FNIP2: variants seen among roughly 807,000 people sequenced by gnomAD.
FNIP2 encodes the protein folliculin-interacting protein 2.
FNIP2 carries 32 observed loss-of-function variants against 108.7 expected under a neutral mutation model. The observed-to-expected ratio is 0.29, with a 90% CI of 0.22 to 0.40. The LOEUF is 0.40. Ranked by LOEUF, FNIP2 falls within the 10% of genes least tolerant of loss-of-function variation. FNIP2 has a pLI of 1.00. For synonymous variants in FNIP2, 480 were observed against 496.7 expected, an observed-to-expected ratio of 0.97 and a Z score of 0.45; for missense variants, 1,202 against 1,381.6, an observed-to-expected ratio of 0.87 and a Z score of 2.06.
intron 1 of FNIP2, among the ~76,000 whole-genome samples, chr4:158,791,467 G>T (rs931681274): frequency 1.3e-5 from 2 of 151,688 alleles, no homozygotes; most frequent in African/African-American, 4.8e-5. Context: ...TGTATTTTTA[G>T]TAGGGGGTTT....
chr4:158,872,335 T>C (rs1780999007), intron 14 of FNIP2: 1 of 985,356 alleles, frequency 1.0e-6, no homozygotes, highest in Admixed American at 6.1e-5. Context: ...ATGGTGACCC[T>C]CTGGCTCTAT....
chr4:158,886,307 C>T (rs1318831243), intron 14 of FNIP2, among the ~76,000 whole-genome samples: 2 of 152,238 alleles, frequency 1.3e-5, no homozygotes, highest in Non-Finnish European at 2.9e-5. Flanking sequence ...CCTCTACCTC[C>T]TTTCTTTCTG....
chr4:158,872,733 T>C (rs1186656074), intron 14 of FNIP2: 1 of 979,094 alleles, frequency 1.0e-6, no homozygotes, highest in Admixed American at 6.2e-5. Flanking sequence ...TCTATGGTAG[T>C]GTTTTTTTTT....
chr4:158,802,558 C>G (rs936780451), intron 1 of FNIP2, among the ~76,000 whole-genome samples: 15 of 152,174 alleles, frequency 9.9e-5, no homozygotes, highest in African/African-American at 3.4e-4. Flanking sequence ...CATTACATAT[C>G]ATGATCATTG....
chr4:158,805,149 A>C (rs886589795), intron 1 of FNIP2, among the ~76,000 whole-genome samples: 1 of 152,216 alleles, frequency 6.6e-6, no homozygotes, highest in Non-Finnish European at 1.5e-5. Flanking sequence ...CCTAGTACAA[A>C]GGTGCATTTA....
Position 158,821,556 on chromosome 4 carries a change from A to G in FNIP2, c.108-4360A>G, listed in dbSNP as rs371402118. Among the ~76,000 whole-genome samples, 21 of 152,360 alleles carry G rather than the reference A, an allele frequency of 1.4e-4. No individual in the cohort carries two copies. The East Asian group carries it at 3.7e-3, about 27-fold the overall frequency. The stretch of plus-strand genomic sequence containing the variant: ...AAGAGAATATGTGTGCCATGGAGCT[A>G]CCAATAGCTCAAGTCCTGTGTATAA... On this transcript the variant is annotated intron_variant, in intron 1 of 16. Coordinates refer to ENST00000264433, the MANE Select transcript of FNIP2 (RefSeq NM_020840.3).
intron 1 of FNIP2, among the ~76,000 whole-genome samples, chr4:158,820,676 C>T (rs1288868964): frequency 1.4e-5 from 2 of 145,206 alleles, no homozygotes; most frequent in Non-Finnish European, 3.0e-5. Context: ...CTGTGTGGTT[C>T]TTCTGTAGGA....
chr4:158,802,966 A>G (rs1776810734), intron 1 of FNIP2, among the ~76,000 whole-genome samples: 1 of 152,230 alleles, frequency 6.6e-6, no homozygotes. Context: ...GCTTTAAAAA[A>G]TTGAAGTAGT....
chr4:158,795,031 A>AT (rs1196957467), intron 1 of FNIP2, among the ~76,000 whole-genome samples: 1 of 152,234 alleles, frequency 6.6e-6, no homozygotes, highest in African/African-American at 2.4e-5. Context: ...TGAAGTCAAC[A>AT]TTTATGACAG....
At chr4:158,887,284 A>G (rs1271312115) in intron 14 of FNIP2, among the ~76,000 whole-genome samples, 1 of 152,232 alleles carries the variant, frequency 6.6e-6, no homozygotes, top group East Asian at 1.9e-4. Context: ...CCTGCTATGC[A>G]TGTGAACTTG....
chr4:158,814,839 A>C (rs1164622798), intron 1 of FNIP2, among the ~76,000 whole-genome samples: 1 of 152,208 alleles, frequency 6.6e-6, no homozygotes, highest in Non-Finnish European at 1.5e-5. Flanking sequence ...TCCCTGTAGG[A>C]GTTCACCCAC....
At chr4:158,806,709 C>A (rs561549516) in intron 1 of FNIP2, among the ~76,000 whole-genome samples, 1 of 152,258 alleles carries the variant, frequency 6.6e-6, no homozygotes, top group Admixed American at 6.5e-5. Flanking sequence ...ACATCTTTGT[C>A]CCATGAAGCT....
intron 10 of FNIP2, among the ~76,000 whole-genome samples, chr4:158,860,726 G>A (rs1288898988): frequency 1.4e-5 from 2 of 147,680 alleles, no homozygotes; most frequent in East Asian, 2.0e-4. Flanking sequence ...GTGCGATCTC[G>A]GCTCGCTGCA....
intron 1 of FNIP2, among the ~76,000 whole-genome samples, chr4:158,777,066 A>T (rs937574231): frequency 6.6e-6 from 1 of 152,202 alleles, no homozygotes; most frequent in African/African-American, 2.4e-5. Context: ...TTAAGAAGAC[A>T]CTTGCCTAAG....
intron 14 of FNIP2, chr4:158,872,745 TTTTTTTAA>T: frequency 1.0e-6 from 1 of 983,484 alleles, no homozygotes; most frequent in African/African-American, 1.8e-5. Context: ...TTTTTTTTTT[TTTTTTTAA>T]AAAACAGGCT....
At chr4:158,823,296 C>T (rs994108764) in intron 1 of FNIP2, among the ~76,000 whole-genome samples, 12 of 152,066 alleles carry the variant, frequency 7.9e-5, no homozygotes, top group Non-Finnish European at 1.8e-4. Flanking sequence ...GACGGAATCT[C>T]CCTCTGTCAC....
chr4:158,774,994 A>G, intron 1 of FNIP2, among the ~76,000 whole-genome samples: 1 of 152,330 alleles, frequency 6.6e-6, no homozygotes, highest in East Asian at 1.9e-4. Flanking sequence ...TATAGCTCCA[A>G]AAAGAGCATT....
At chr4:158,835,522 TAC>T in intron 7 of FNIP2, 46 bp downstream of exon 7, 1 of 1,554,260 alleles carries the variant, frequency 6.4e-7, no homozygotes, top group Non-Finnish European at 8.9e-7. Flanking sequence ...GTGAACTATC[TAC>T]AGTGGTGTGG....
Position 158,868,509 on chromosome 4 carries a change from G to C in FNIP2, c.1873G>C (p.Gly625Arg). Residue 625 changes from glycine (G) to arginine (R), a missense_variant, in exon 13 of 17, where the codon GGT becomes CGT. Physicochemically the swap from Gly to Arg is moderately radical, Grantham distance 125. Around this residue, in one of 5 missense-constraint regions of FNIP2, gnomAD observed 878 missense variants for 990.3 expected, o/e 0.89. Coordinates refer to ENST00000264433, the MANE Select transcript of FNIP2 (RefSeq NM_020840.3). The surrounding 1 kb of genome is among the most constrained non-coding windows in gnomAD (Gnocchi z 4.6). ...DKEANRRPEQ[G>R]SEACSAGCLG... ...AGAAGCTAACAGGAGGCCAGAGCAG[G>C]GTTCTGAGGCTTGCAGCGCAGGGTG... 6.2e-7 allele frequency: 1 copy of C among 1,613,980 alleles called. No homozygotes were observed. The highest frequency in any genetic ancestry group is 1.3e-5 in the African/African-American group (1 of 75,062).
Sources: allele counts gnomAD v4.1 joint callset (sites outside exome capture counted in the v4.1 genomes callset), GRCh38; gene constraint gnomAD v4.1.1; regional missense constraint gnomAD v4.1.1; non-coding constraint Gnocchi (gnomAD v3.1); transcripts MANE v1.5; gene names NCBI Gene and HGNC (gene_info 2026-07-23, HGNC 2026-07-21).